LRRC1: variants seen among roughly 807,000 people sequenced by gnomAD.
LRRC1 encodes the protein leucine-rich repeat-containing protein 1.
LRRC1 carries 28 observed loss-of-function variants against 69.9 expected under a neutral mutation model. The observed-to-expected ratio is 0.40, with a 90% CI of 0.30 to 0.55. The LOEUF is 0.55. Among genes scored for constraint, LRRC1 ranks in the 20% least tolerant of loss-of-function variants. The probability of loss-of-function intolerance (pLI) is 0.47; values close to 1 mark genes in which losing one functional copy is unlikely to be tolerated. For synonymous variants in LRRC1, 236 were observed against 240.2 expected (o/e 0.98, Z 0.16); for missense variants, 498 against 609.0 (o/e 0.82, Z 1.92).
In LRRC1 at chr6:53,898,155, CT is replaced by C. The variant is rs148665883; in HGVS notation, c.642+799del. Among the ~76,000 whole-genome samples the C allele has an allele frequency of 3.6e-3, 551 of 152,282 alleles. 4 individuals are homozygous for C. Among genetic ancestry groups the C allele is most frequent in the African/African-American group, 0.013 (534 of 41,558 alleles). ...GGAACCCTAATACTAGAAGAAAGCACTTTAGTAAATTTTTAGTTGTTATAGC... is the reference window on the plus strand; with the variant it reads ...GGAACCCTAATACTAGAAGAAAGCACTTAGTAAATTTTTAGTTGTTATAGC... On this transcript the variant is annotated intron_variant, in intron 7 of 13. Coordinates refer to ENST00000370888, the MANE Select transcript of LRRC1 (RefSeq NM_018214.5).
intron 1 of LRRC1, among the ~76,000 whole-genome samples, chr6:53,836,445 C>T (rs1765615386): frequency 6.6e-6 from 1 of 152,132 alleles, no homozygotes; most frequent in Non-Finnish European, 1.5e-5. Context: ...TATAGTGTCC[C>T]TCAGTAGAGG....
chr6:53,863,274 TGCCAA>T (rs752469976), intron 2 of LRRC1, among the ~76,000 whole-genome samples: 1 of 152,338 alleles, frequency 6.6e-6, no homozygotes, highest in Non-Finnish European at 1.5e-5. Context: ...TACATAGCAT[TGCCAA>T]GTAGATGCAG....
chr6:53,841,255 A>G (rs1765781066), intron 1 of LRRC1, among the ~76,000 whole-genome samples: 1 of 152,244 alleles, frequency 6.6e-6, no homozygotes, highest in African/African-American at 2.4e-5. Flanking sequence ...AGAGAAGAGA[A>G]TATGGCAGTT....
At chr6:53,871,887 C>G (rs367672963) in intron 2 of LRRC1, among the ~76,000 whole-genome samples, 2 of 152,094 alleles carry the variant, frequency 1.3e-5, no homozygotes, top group Non-Finnish European at 2.9e-5. Context: ...AGGCTGGTCT[C>G]GAACTCCTGA....
intron 2 of LRRC1, among the ~76,000 whole-genome samples, chr6:53,846,546 C>G (rs1458521309): frequency 6.6e-6 from 1 of 152,044 alleles, no homozygotes; most frequent in Non-Finnish European, 1.5e-5. Context: ...CAGTGAGAGT[C>G]AAGGAAAGTG....
chr6:53,810,053 G>T (rs1455011072), intron 1 of LRRC1, among the ~76,000 whole-genome samples: 1 of 152,218 alleles, frequency 6.6e-6, no homozygotes. Context: ...TCTGTAGCGG[G>T]AAGCAGGTAG....
intron 1 of LRRC1, among the ~76,000 whole-genome samples, chr6:53,839,214 G>C (rs1581864710): frequency 2.0e-5 from 3 of 151,912 alleles, no homozygotes; most frequent in Admixed American, 6.6e-5. Flanking sequence ...ATGAGGACAG[G>C]TGTCCAGAAG....
intron 4 of LRRC1, among the ~76,000 whole-genome samples, chr6:53,893,982 G>T (rs1307495201): frequency 6.6e-6 from 1 of 152,206 alleles, no homozygotes; most frequent in Non-Finnish European, 1.5e-5. Flanking sequence ...TTTAAAATGT[G>T]TATCACATTC....
intron 2 of LRRC1, among the ~76,000 whole-genome samples, chr6:53,872,254 G>GT (rs201658181): frequency 1.3e-5 from 2 of 152,062 alleles, no homozygotes; most frequent in Non-Finnish European, 1.5e-5. Flanking sequence ...ATTTATTTCT[G>GT]TTTTTTAAAA....
chr6:53,912,270 A>ATGAAATGC (rs879421084), intron 10 of LRRC1, among the ~76,000 whole-genome samples: 1 of 152,228 alleles, frequency 6.6e-6, no homozygotes, highest in Non-Finnish European at 1.5e-5. Flanking sequence ...GACCGTAATT[A>ATGAAATGC]TGAAATGCGT....
chr6:53,869,014 A>G (rs555887542), intron 2 of LRRC1, among the ~76,000 whole-genome samples: 2 of 152,312 alleles, frequency 1.3e-5, no homozygotes, highest in African/African-American at 4.8e-5. Flanking sequence ...TCAATGATCT[A>G]TTTTACAGGT....
intron 4 of LRRC1, 28 bp downstream of exon 4, chr6:53,883,004 A>G: frequency 6.9e-7 from 1 of 1,447,294 alleles, no homozygotes; most frequent in African/African-American, 1.4e-5. Flanking sequence ...GTTTGGGTGG[A>G]TCAGGGTGAA....
intron 8 of LRRC1, among the ~76,000 whole-genome samples, chr6:53,901,865 G>A (rs1357961123): frequency 1.3e-5 from 2 of 152,222 alleles, no homozygotes; most frequent in Admixed American, 6.5e-5. Context: ...GGCAAGATAC[G>A]CCTTTCGGTA....
At chr6:53,917,690 TGTAA>T (rs1375238166) in intron 11 of LRRC1, among the ~76,000 whole-genome samples, 24 of 152,338 alleles carry the variant, frequency 1.6e-4, no homozygotes, top group African/African-American at 4.8e-4. Context: ...AGATGTTGAC[TGTAA>T]GTGTCTTGCC....
intron 2 of LRRC1, among the ~76,000 whole-genome samples, chr6:53,861,385 T>C (rs9370238): frequency 0.36 from 54,340 of 150,700 alleles, 10,354 homozygotes; most frequent in East Asian, 0.64. Context: ...TAAAGTTAAA[T>C]CCCTCAGTGT....
intron 1 of LRRC1, among the ~76,000 whole-genome samples, chr6:53,807,779 AACACCC>A (rs1764676652): frequency 7.7e-6 from 1 of 130,528 alleles, no homozygotes; most frequent in African/African-American, 2.8e-5. Context: ...CAACAACAAC[AACACCC>A]CCCAAAACAA....
chr6:53,839,055 G>T (rs1047472240), intron 1 of LRRC1, among the ~76,000 whole-genome samples: 6 of 151,816 alleles, frequency 4.0e-5, no homozygotes, highest in Non-Finnish European at 7.4e-5. Flanking sequence ...TTCAAGTTCT[G>T]TGGTCTTTAT....
At chr6:53,909,906 T>G (rs1365986591) in intron 10 of LRRC1, among the ~76,000 whole-genome samples, 1 of 152,338 alleles carries the variant, frequency 6.6e-6, no homozygotes, top group East Asian at 1.9e-4. Flanking sequence ...GAAAGTTCCC[T>G]TATACTTAAG....
intron 8 of LRRC1, 145 bp downstream of exon 8, chr6:53,900,036 T>TG (rs1562066463): frequency 3.1e-6 from 2 of 654,456 alleles, no homozygotes; most frequent in African/African-American, 2.3e-5. Flanking sequence ...TTTTTTTTTT[T>TG]TTTTTTTTTT....
Sources: gnomAD v4.1 joint callset for allele counts (sites outside exome capture counted in the v4.1 genomes callset) on GRCh38, gnomAD v4.1.1 for gene constraint, MANE v1.5 for transcripts, NCBI Gene and HGNC (gene_info 2026-07-23, HGNC 2026-07-21) for gene names.